The following TMEM131L variants were observed in gnomAD, a reference collection of about 807,000 sequenced individuals.
TMEM131L encodes the protein transmembrane 131 like.
In TMEM131L, 54 loss-of-function variants were observed where a neutral mutation model predicts 192.2. The ratio of observed to expected loss-of-function variants is 0.28; its 90% CI spans 0.23 to 0.35. The LOEUF is 0.35. Ranked by LOEUF, TMEM131L falls within the 10% of genes least tolerant of loss-of-function variation. The probability of loss-of-function intolerance (pLI) is 1.00; values close to 1 mark genes in which losing one functional copy is unlikely to be tolerated. For synonymous variants in TMEM131L, 701 were observed against 704.9 expected (o/e 0.99, Z 0.09); for missense variants, 1,888 against 1,972.9 (o/e 0.96, Z 0.82).
At position 153,574,655 on chromosome 4, in the gene TMEM131L, A is replaced by G. The variant is rs528543242; in HGVS notation, c.661-6171A>G. Among the ~76,000 whole-genome samples the G allele has an allele frequency of 9.0e-4, 137 of 152,202 alleles. No homozygotes were observed. The South Asian group carries it at 0.01, about 12-fold the overall frequency. On this transcript the variant is annotated intron_variant, in intron 7 of 34. Transcript: ENST00000409959. ...ACTCTGTTACCCAGGCTGGAGTGCA[A>G]TGGTGCAGTTGCAGCTCCGCCTCCC...
At chr4:153,573,879 A>G (rs1348236096) in intron 7 of TMEM131L, among the ~76,000 whole-genome samples, 2 of 152,208 alleles carry the variant, frequency 1.3e-5, no homozygotes, top group African/African-American at 4.8e-5. Flanking sequence ...AAGCATCTAA[A>G]TTATTTGTTG....
intron 3 of TMEM131L, among the ~76,000 whole-genome samples, chr4:153,496,680 C>G (rs563154305): frequency 6.6e-6 from 1 of 152,170 alleles, no homozygotes; most frequent in South Asian, 2.1e-4. Flanking sequence ...ACCTCAGCCT[C>G]CTGAATAACA....
intron 4 of TMEM131L, among the ~76,000 whole-genome samples, chr4:153,551,546 G>C (rs1374019216): frequency 6.6e-6 from 1 of 152,064 alleles, no homozygotes; most frequent in African/African-American, 2.4e-5. Context: ...AGTAGAGACA[G>C]TGTTTTGCCA....
chr4:153,591,279 G>C (rs1419804968), intron 17 of TMEM131L, 85 bp downstream of exon 17: 71 of 1,346,736 alleles, frequency 5.3e-5, no homozygotes, highest in Non-Finnish European at 6.8e-5. Flanking sequence ...TCCACCTTTA[G>C]CTACCATTTC....
chr4:153,593,666 G>T (rs1731225262), intron 18 of TMEM131L, 133 bp from the exon 19 acceptor site: 2 of 634,056 alleles, frequency 3.2e-6, no homozygotes, highest in South Asian at 3.7e-5. Flanking sequence ...GACAGGATGG[G>T]ATGAATTTTG....
chr4:153,485,331 A>G (rs1355708763), intron 3 of TMEM131L, among the ~76,000 whole-genome samples: 1 of 152,052 alleles, frequency 6.6e-6, no homozygotes, highest in African/African-American at 2.4e-5. Context: ...GTTCTTACCC[A>G]GTTTGTTCAG....
intron 3 of TMEM131L, among the ~76,000 whole-genome samples, chr4:153,542,475 A>T (rs1736861172): frequency 6.6e-6 from 1 of 152,200 alleles, no homozygotes; most frequent in South Asian, 2.1e-4. Flanking sequence ...GCACGATCAC[A>T]TTCCCATTCA....
At chr4:153,559,775 A>G (rs753821581) in intron 7 of TMEM131L, among the ~76,000 whole-genome samples, 7 of 152,056 alleles carry the variant, frequency 4.6e-5, no homozygotes, top group Non-Finnish European at 1.5e-5. Flanking sequence ...GTTGGACCCC[A>G]TTAGTCCCCT....
At chr4:153,533,932 G>A (rs898919046) in intron 3 of TMEM131L, among the ~76,000 whole-genome samples, 2 of 152,102 alleles carry the variant, frequency 1.3e-5, no homozygotes, top group Non-Finnish European at 2.9e-5. Flanking sequence ...CCTGACATTG[G>A]TTTTTAAAAG....
intron 3 of TMEM131L, among the ~76,000 whole-genome samples, chr4:153,482,768 T>A (rs774375768): frequency 6.6e-6 from 1 of 152,138 alleles, no homozygotes; most frequent in Non-Finnish European, 1.5e-5. Context: ...ATATTTTTTT[T>A]ATTTTGTTTT....
At chr4:153,539,808 T>TA (rs112610549) in intron 3 of TMEM131L, among the ~76,000 whole-genome samples, 53,603 of 149,128 alleles carry the variant, frequency 0.36, 11,600 homozygotes, top group African/African-American at 0.62. Context: ...ATTGGGACTT[T>TA]AAAAAAAAAA....
chr4:153,636,252 G>C, intron 34 of TMEM131L, 49 bp from the exon 35 acceptor site: 1 of 1,464,866 alleles, frequency 6.8e-7, no homozygotes, highest in East Asian at 2.4e-5. Flanking sequence ...CCTTTCTAAG[G>C]CTTTTTTTTT....
At chr4:153,549,382 A>G (rs1580190974) in intron 3 of TMEM131L, among the ~76,000 whole-genome samples, 1 of 152,300 alleles carries the variant, frequency 6.6e-6, no homozygotes, top group African/African-American at 2.4e-5. Context: ...AAAATGTCAT[A>G]TGGAAGTTGA....
At chr4:153,494,792 T>TCGGGAG (rs1214259881) in intron 3 of TMEM131L, among the ~76,000 whole-genome samples, 1 of 152,176 alleles carries the variant, frequency 6.6e-6, no homozygotes. Context: ...CAGCTCTCCG[T>TCGGGAG]CGGGAGCGCT....
chr4:153,535,506 G>C (rs1460025918), intron 3 of TMEM131L, among the ~76,000 whole-genome samples: 1 of 152,140 alleles, frequency 6.6e-6, no homozygotes, highest in African/African-American at 2.4e-5. Flanking sequence ...CAGAAGGGTG[G>C]TAGAGGAGAC....
chr4:153,614,716 CA>C (rs11312443), intron 26 of TMEM131L, among the ~76,000 whole-genome samples: 84,234 of 151,978 alleles, frequency 0.55, 23,517 homozygotes, highest in Non-Finnish European at 0.57. Flanking sequence ...AGATCATTCT[CA>C]ATGTTTTGGC....
At chr4:153,633,895 T>C (rs1734392718) in intron 32 of TMEM131L, among the ~76,000 whole-genome samples, 1 of 152,230 alleles carries the variant, frequency 6.6e-6, no homozygotes, top group Non-Finnish European at 1.5e-5. Context: ...ATTCCAGCTG[T>C]TCTTTCACAG....
intron 2 of TMEM131L, among the ~76,000 whole-genome samples, chr4:153,467,996 C>T (rs182459189): frequency 6.6e-6 from 1 of 152,234 alleles, no homozygotes; most frequent in East Asian, 1.9e-4. Context: ...TCACCAGTAA[C>T]GGTAGTGATC....
At chr4:153,627,739 T>C in intron 31 of TMEM131L, 52 bp downstream of exon 31, 19 of 1,457,666 alleles carry the variant, frequency 1.3e-5, no homozygotes, top group Non-Finnish European at 1.8e-5. Context: ...CTGTGCTGTC[T>C]GTATTCCTGG....
Sources: allele counts gnomAD v4.1 joint callset (sites outside exome capture counted in the v4.1 genomes callset), GRCh38; gene constraint gnomAD v4.1.1; transcripts MANE v1.5; gene names NCBI Gene and HGNC (gene_info 2026-07-23, HGNC 2026-07-21).